The following GLCE variants were observed in gnomAD, a reference collection of about 807,000 sequenced individuals.
The protein encoded by GLCE is glucuronic acid epimerase, also known as D-glucuronyl C5-epimerase.
In GLCE, 19 loss-of-function variants were observed where a neutral mutation model predicts 47.9. The ratio of observed to expected loss-of-function variants is 0.40; its 90% CI spans 0.28 to 0.58. GLCE has a LOEUF of 0.58. Ranked by LOEUF, GLCE falls within the 20% of genes least tolerant of loss-of-function variation. GLCE has a pLI of 0.48. For missense variants in GLCE, 556 were observed against 743.3 expected, an observed-to-expected ratio of 0.75 and a Z score of 2.93; for synonymous variants, 245 against 263.4, an observed-to-expected ratio of 0.93 and a Z score of 0.68.
intron 2 of GLCE, among the ~76,000 whole-genome samples, chr15:69,218,181 A>T (rs369552958): frequency 2.0e-5 from 3 of 147,988 alleles, no homozygotes; most frequent in Admixed American, 6.8e-5. Flanking sequence ...GGAAATTCAC[A>T]CTTTTATCAA....
chr15:69,252,707 T>G (rs901877192), intron 2 of GLCE, among the ~76,000 whole-genome samples: 1 of 152,052 alleles, frequency 6.6e-6, no homozygotes, highest in Non-Finnish European at 1.5e-5. Flanking sequence ...TATTAGTTGG[T>G]CAAAATGTAA....
intron 2 of GLCE, among the ~76,000 whole-genome samples, chr15:69,233,439 A>G (rs567086453): frequency 5.8e-4 from 88 of 152,340 alleles, no homozygotes; most frequent in Middle Eastern, 3.4e-3. Flanking sequence ...TAGAAAAATT[A>G]CATTTTAAGT....
At chr15:69,170,254 CA>C (rs1243946812) in intron 1 of GLCE, among the ~76,000 whole-genome samples, 3 of 151,990 alleles carry the variant, frequency 2.0e-5, no homozygotes, top group African/African-American at 7.2e-5. Context: ...GTTTCATAAA[CA>C]ATTAGATATT....
In GLCE at chr15:69,164,606, G is replaced by A. The variant is rs545388608; in HGVS notation, c.-105+3849G>A. ...ATATACACACACTTAGAGTTTTTGT[G>A]TTGCAAGTCTGAAGTATTGTATGTA... On this transcript the variant is annotated intron_variant, in intron 1 of 4. Transcript: ENST00000261858. 9.2e-5 allele frequency among the ~76,000 whole-genome samples: 14 copies of A among 151,682 alleles called. 1 individual carries two copies. The highest frequency in any genetic ancestry group is 3.1e-4 in the African/African-American group (13 of 41,456).
intron 2 of GLCE, among the ~76,000 whole-genome samples, chr15:69,244,393 C>G (rs2052718642): frequency 6.6e-6 from 1 of 152,158 alleles, no homozygotes; most frequent in African/African-American, 2.4e-5. Context: ...AACTAGATAA[C>G]TTTTCCTAAA....
At chr15:69,213,470 A>G (rs977663653) in intron 2 of GLCE, among the ~76,000 whole-genome samples, 4 of 152,086 alleles carry the variant, frequency 2.6e-5, no homozygotes, top group Non-Finnish European at 5.9e-5. Context: ...TCATAACTAG[A>G]TTGAAGTTAC....
intron 1 of GLCE, among the ~76,000 whole-genome samples, chr15:69,209,049 C>T (rs915954058): frequency 2.4e-4 from 36 of 151,964 alleles, no homozygotes; most frequent in African/African-American, 8.4e-4. Flanking sequence ...CGTCTTGATT[C>T]GGCTATTGAG....
chr15:69,173,533 A>T (rs2051617536), intron 1 of GLCE, among the ~76,000 whole-genome samples: 1 of 152,194 alleles, frequency 6.6e-6, no homozygotes, highest in African/African-American at 2.4e-5. Flanking sequence ...GTTCATAATG[A>T]AGAAGCCTTT....
In GLCE at chr15:69,261,214, A is replaced by T. The variant is rs200512813; in HGVS notation, c.714A>T (p.Thr238=). ...EKPPHIEVYE[T]AEDRDKNKPN... ...CTCCTCACATAGAGGTATATGAAAC[A>T]GCAGAAGACAGAGACAAAAACAAGC... The change falls in exon 4 of 5, where the codon ACA becomes ACT. Residue 238 remains threonine (T), a synonymous_variant. Transcript: ENST00000261858. 4 of 1,614,064 alleles carry T rather than the reference A, an allele frequency of 2.5e-6. No homozygotes were observed. In the East Asian group the frequency reaches 6.7e-5, roughly 27 times the overall value.
intron 1 of GLCE, among the ~76,000 whole-genome samples, chr15:69,177,691 C>T (rs185202567): frequency 5.8e-5 from 8 of 136,960 alleles, no homozygotes; most frequent in East Asian, 2.0e-4. Flanking sequence ...GCCCCTTTAT[C>T]ATCTTTACTT....
At chr15:69,244,018 A>G (rs942327397) in intron 2 of GLCE, among the ~76,000 whole-genome samples, 2 of 152,166 alleles carry the variant, frequency 1.3e-5, no homozygotes, top group African/African-American at 4.8e-5. Flanking sequence ...ATATACTGCC[A>G]CCTTGGGGCT....
At chr15:69,257,744 G>T (rs2052947819) in intron 3 of GLCE, among the ~76,000 whole-genome samples, 1 of 151,830 alleles carries the variant, frequency 6.6e-6, no homozygotes, top group Non-Finnish European at 1.5e-5. Flanking sequence ...TTCTCTGGAG[G>T]CCTTTGTACT....
At chr15:69,254,900 G>T (rs1042453146) in intron 2 of GLCE, among the ~76,000 whole-genome samples, 2 of 152,136 alleles carry the variant, frequency 1.3e-5, no homozygotes, top group African/African-American at 4.8e-5. Context: ...TAGAGATAAA[G>T]AAGTTCAAAA....
chr15:69,191,853 A>C (rs139090454), intron 1 of GLCE, among the ~76,000 whole-genome samples: 1,658 of 152,226 alleles, frequency 0.011, 15 homozygotes, highest in Non-Finnish European at 0.015. Flanking sequence ...TTTTTCCTGC[A>C]TACTAGGTTG....
chr15:69,261,392 T>G (rs1340148325), intron 4 of GLCE, 63 bp downstream of exon 4: 1 of 1,474,972 alleles, frequency 6.8e-7, no homozygotes, highest in Non-Finnish European at 9.2e-7. Flanking sequence ...TGATAGTCCC[T>G]TAAAATTTTA....
At chr15:69,189,470 A>C (rs1266169904) in intron 1 of GLCE, among the ~76,000 whole-genome samples, 21 of 152,210 alleles carry the variant, frequency 1.4e-4, no homozygotes, top group Admixed American at 1.3e-3. Context: ...GTGGCTTCCA[A>C]GTTTGGGCAA....
chr15:69,257,101 C>A (rs1308947489), intron 3 of GLCE, among the ~76,000 whole-genome samples: 1 of 152,104 alleles, frequency 6.6e-6, no homozygotes, highest in Non-Finnish European at 1.5e-5. Context: ...ATTTTAAAAT[C>A]TGTATTGAAG....
At chr15:69,225,984 TTAA>T (rs2052440590) in intron 2 of GLCE, among the ~76,000 whole-genome samples, 1 of 152,128 alleles carries the variant, frequency 6.6e-6, no homozygotes, top group Admixed American at 6.6e-5. Context: ...TTTATTGGAC[TTAA>T]GGGCCTAAAT....
rs374520401 is a variant in GLCE at position 69,241,637 on chromosome 15, T to G, written c.-13-14157T>G. Among the ~76,000 whole-genome samples the G allele has an allele frequency of 1.3e-3, 191 of 152,322 alleles. 1 individual carries two copies. Among genetic ancestry groups the G allele is most frequent in the Non-Finnish European group, 8.7e-4 (59 of 68,028 alleles). On this transcript the variant is annotated intron_variant, in intron 2 of 4. Coordinates refer to ENST00000261858, the MANE Select transcript of GLCE (RefSeq NM_015554.3). ...TTTCCACTTGCACATAGTACCTACT[T>G]TATGCATATGGTATATTACAGTGGT...
Sources: allele counts gnomAD v4.1 joint callset (sites outside exome capture counted in the v4.1 genomes callset), GRCh38; gene constraint gnomAD v4.1.1; transcripts MANE v1.5; gene names NCBI Gene and HGNC (gene_info 2026-07-23, HGNC 2026-07-21).